Variants in ANKFN1 observed in about 807,000 individuals in gnomAD.
ANKFN1 encodes the protein ankyrin repeat and fibronectin type-III domain-containing protein 1.
ANKFN1 carries 74 observed loss-of-function variants against 108.7 expected under a neutral mutation model. The observed-to-expected ratio is 0.68, with a 90% CI of 0.56 to 0.83. ANKFN1 has a LOEUF of 0.83. Among genes scored for constraint, ANKFN1 ranks in the 40% least tolerant of loss-of-function variants. ANKFN1 has a pLI of 0.00. For missense variants in ANKFN1, 1,505 were observed against 1,382.3 expected (o/e 1.09, Z -1.41); for synonymous variants, 547 against 516.2 (o/e 1.06, Z -0.81).
chr17:56,461,621 T>C (rs2049904854), intron 14 of ANKFN1, among the ~76,000 whole-genome samples: 1 of 152,212 alleles, frequency 6.6e-6, no homozygotes, highest in African/African-American at 2.4e-5. Context: ...ATCACTCTCA[T>C]AGCACCTTGT....
intron 1 of ANKFN1, among the ~76,000 whole-genome samples, chr17:56,187,213 T>G (rs1912302783): frequency 6.6e-6 from 1 of 152,064 alleles, no homozygotes; most frequent in Non-Finnish European, 1.5e-5. Flanking sequence ...ATCCAGAATC[T>G]AAAAAGAACT....
At chr17:56,296,858 C>T (rs1370099168) in intron 3 of ANKFN1, among the ~76,000 whole-genome samples, 1 of 152,170 alleles carries the variant, frequency 6.6e-6, no homozygotes, top group Non-Finnish European at 1.5e-5. Context: ...GCTGAACTCC[C>T]AGGGCTCATA....
rs1278910527 is a variant in ANKFN1 at position 56,055,589 on chromosome 17, G to GTATATATATA, written c.288+9272_288+9273insTATATATATA. Among the ~76,000 whole-genome samples, 2 of 88,296 alleles carry GTATATATATA rather than the reference G, an allele frequency of 2.3e-5. 1 individual carries two copies. The highest frequency in any genetic ancestry group is 4.0e-5 in the Non-Finnish European group (2 of 50,372). The allele number at this position is 88,296 out of a possible 152,430, so 57.9% of individuals were successfully genotyped here. On this transcript the variant is annotated intron_variant, in intron 4 of 12. Transcript: ENST00000635860. ...TACATATATATATATATATATATAT[G>GTATATATATA]TATATATACACATTTTTTTATCCAG...
chr17:56,394,871 G>A (rs771173188), intron 8 of ANKFN1, among the ~76,000 whole-genome samples: 11 of 152,142 alleles, frequency 7.2e-5, no homozygotes, highest in African/African-American at 1.7e-4. Context: ...TCAATAGTCC[G>A]CGACTGCTTT....
Position 56,394,085 on chromosome 17 carries a change from G to A in ANKFN1, c.910+19371G>A, listed in dbSNP as rs978761629. Among the ~76,000 whole-genome samples, 3 of 152,338 alleles carry A rather than the reference G, an allele frequency of 2.0e-5. No individual in the cohort carries two copies. In the East Asian group the frequency reaches 5.8e-4, roughly 29 times the overall value. ...CACCAACATAAGAATTCACTTTGCA[G>A]TGTAAAGAAAATAAAACCTGTCATT... On this transcript the variant is annotated intron_variant, in intron 8 of 20. Transcript: ENST00000682825.
In ANKFN1 at chr17:56,247,356, G is replaced by A. The variant is rs116556599; in HGVS notation, c.53+19399G>A. Among the ~76,000 whole-genome samples, 420 of 152,252 alleles carry A rather than the reference G, an allele frequency of 2.8e-3. 3 individuals are homozygous for A. The highest frequency in any genetic ancestry group is 7.3e-3 in the African/African-American group (304 of 41,550). ...TGAAAGTTAAACTTTTAAAACTTGA[G>A]CACCACATGTATTGGAAGTAAGACA... On this transcript the variant is annotated intron_variant, in intron 3 of 20. Transcript: ENST00000682825.
intron 2 of ANKFN1, among the ~76,000 whole-genome samples, chr17:56,222,163 T>G (rs1915937614): frequency 6.6e-6 from 1 of 152,198 alleles, no homozygotes; most frequent in Non-Finnish European, 1.5e-5. Context: ...AGACTCTTTT[T>G]GTGTAACACG....
chr17:56,324,530 G>A (rs1209226928), intron 3 of ANKFN1, among the ~76,000 whole-genome samples: 1 of 152,100 alleles, frequency 6.6e-6, no homozygotes, highest in Non-Finnish European at 1.5e-5. Context: ...CAGTCACCTA[G>A]CTTACCACAG....
At chr17:56,508,056 A>C (rs1459056504) in intron 20 of ANKFN1, among the ~76,000 whole-genome samples, 1 of 152,236 alleles carries the variant, frequency 6.6e-6, no homozygotes, top group Non-Finnish European at 1.5e-5. Flanking sequence ...CTTTCAATGA[A>C]TGACTTTCCT....
intron 4 of ANKFN1, among the ~76,000 whole-genome samples, chr17:56,094,820 T>C (rs942218627): frequency 9.3e-5 from 14 of 150,724 alleles, no homozygotes; most frequent in Non-Finnish European, 1.8e-4. Flanking sequence ...GCGCCCAGCC[T>C]GTTTCTTCTA....
chr17:56,167,312 CACACACATATAT>C (rs1567814050), intron 1 of ANKFN1, among the ~76,000 whole-genome samples: 1 of 72,888 alleles, frequency 1.4e-5, no homozygotes, highest in African/African-American at 6.4e-5. Flanking sequence ...TATACACACA[CACACACATATAT>C]ATATATATAT....
At chr17:56,055,566 C>CATATACATATATAT in intron 4 of ANKFN1, among the ~76,000 whole-genome samples, 1 of 47,460 alleles carries the variant, frequency 2.1e-5, no homozygotes, top group South Asian at 6.6e-4. Flanking sequence ...GGTATATATA[C>CATATACATATATAT]ATATATATAT....
intron 1 of ANKFN1, among the ~76,000 whole-genome samples, chr17:56,172,379 T>A (rs149435703): frequency 2.8e-4 from 43 of 152,308 alleles, no homozygotes; most frequent in African/African-American, 9.9e-4. Context: ...GCAAGCAGCA[T>A]CTTCTTCTCA....
chr17:56,267,209 C>A (rs996531987), intron 3 of ANKFN1, among the ~76,000 whole-genome samples: 3 of 152,126 alleles, frequency 2.0e-5, no homozygotes, highest in Non-Finnish European at 4.4e-5. Context: ...ATGTGTGTTG[C>A]GGCAAAGGAC....
At chr17:56,335,639 T>C (rs2045785632) in intron 4 of ANKFN1, among the ~76,000 whole-genome samples, 2 of 152,216 alleles carry the variant, frequency 1.3e-5, no homozygotes, top group African/African-American at 4.8e-5. Context: ...GTTTTCTAAA[T>C]ATACAATCAT....
At chr17:56,109,596 G>C (rs1208281205) in intron 4 of ANKFN1, among the ~76,000 whole-genome samples, 2 of 152,160 alleles carry the variant, frequency 1.3e-5, no homozygotes, top group Non-Finnish European at 2.9e-5. Flanking sequence ...GAAAAAAAAG[G>C]AAAGGTTGAA....
At chr17:56,124,824 C>A (rs1266424155) in intron 4 of ANKFN1, among the ~76,000 whole-genome samples, 1 of 152,206 alleles carries the variant, frequency 6.6e-6, no homozygotes, top group Non-Finnish European at 1.5e-5. Flanking sequence ...GGGGCCAGCC[C>A]TTTTCTCCCC....
rs866997675 is a variant in ANKFN1, at chr17:56,083,415, A to G, written c.288+37090A>G. 1.9e-4 allele frequency among the ~76,000 whole-genome samples: 29 copies of G among 151,448 alleles called. 1 individual carries two copies. In the Middle Eastern group the frequency reaches 0.014, roughly 72 times the overall value. On this transcript the variant is annotated intron_variant, in intron 4 of 12. Transcript: ENST00000635860. ...ACAATTCCAGGCAGAATTGTTCTCC[A>G]CACTCCCTCCTACTATTTTGCCATA...
At chr17:56,497,795 T>G (rs1011081472) in intron 19 of ANKFN1, among the ~76,000 whole-genome samples, 5 of 152,104 alleles carry the variant, frequency 3.3e-5, no homozygotes, top group Non-Finnish European at 7.4e-5. Flanking sequence ...AACTACCTCT[T>G]CTTACAGTTG....
Sources: gnomAD v4.1 joint callset for allele counts (sites outside exome capture counted in the v4.1 genomes callset) on GRCh38, gnomAD v4.1.1 for gene constraint, MANE v1.5 for transcripts, NCBI Gene and HGNC (gene_info 2026-07-23, HGNC 2026-07-21) for gene names.